ERG: variants seen among roughly 807,000 people sequenced by gnomAD.
ERG encodes ETS transcription factor ERG.
In ERG, 9 loss-of-function variants were observed where a neutral mutation model predicts 55.3. That is an observed-to-expected ratio of 0.16 (90% CI 0.10 to 0.28). ERG has a LOEUF of 0.28. Among genes scored for constraint, ERG ranks in the 10% least tolerant of loss-of-function variants. ERG has a pLI of 1.00. For missense variants in ERG, 434 were observed against 631.6 expected, an observed-to-expected ratio of 0.69 and a Z score of 3.35; for synonymous variants, 223 against 237.3, an observed-to-expected ratio of 0.94 and a Z score of 0.55.
intron 2 of ERG, among the ~76,000 whole-genome samples, chr21:38,553,961 A>T (rs562879878): frequency 7.5e-6 from 1 of 132,780 alleles, no homozygotes; most frequent in East Asian, 2.6e-4. Context: ...CAGAATCTAT[A>T]AAAAAAAACT....
chr21:38,564,059 C>T lies in ERG; in HGVS notation c.-41+11603G>A, dbSNP rs552821628. Reference sequence around the variant, plus strand: ...GCTAATTATCAACTATTTTTATTATCAACCCTGCAGAGGGGACTAAGAGAA... The same window carrying T: ...GCTAATTATCAACTATTTTTATTATTAACCCTGCAGAGGGGACTAAGAGAA... On this transcript the variant is annotated intron_variant, in intron 2 of 8. Coordinates refer to the ERG transcript ENST00000398897. 2.0e-5 allele frequency among the ~76,000 whole-genome samples: 3 copies of T among 151,690 alleles called. No individual in the cohort carries two copies. The South Asian group carries it at 6.3e-4, about 32-fold the overall frequency.
At chr21:38,432,269 T>A (rs1231271006) in intron 2 of ERG, among the ~76,000 whole-genome samples, 1 of 152,008 alleles carries the variant, frequency 6.6e-6, no homozygotes, top group Admixed American at 6.6e-5. Context: ...TGTTTTTTAA[T>A]TATTTGTATA....
intron 1 of ERG, among the ~76,000 whole-genome samples, chr21:38,649,323 G>A (rs2060475111): frequency 1.3e-5 from 2 of 152,122 alleles, no homozygotes; most frequent in African/African-American, 4.8e-5. Context: ...TCTCTCAAAG[G>A]TCTCCCTTGA....
At chr21:38,509,722 T>C (rs913528869) in intron 2 of ERG, among the ~76,000 whole-genome samples, 1 of 152,182 alleles carries the variant, frequency 6.6e-6, no homozygotes, top group Admixed American at 6.5e-5. Flanking sequence ...CAAGGAGATG[T>C]GAGAAAACTT....
Position 38,380,275 on chromosome 21 carries a change from C to G in ERG, c.*3128G>C, listed in dbSNP as rs369834291. On this transcript the variant is annotated 3_prime_UTR_variant, in exon 10 of 10. Coordinates refer to ENST00000288319, the MANE Select transcript of ERG (RefSeq NM_182918.4). Reference sequence around the variant, plus strand: ...ACCTGCTGTCAGAGGGCAGCTCCTCCGGCTCCTGCTCCTGGGTTGCAGGTG... The same window carrying G: ...ACCTGCTGTCAGAGGGCAGCTCCTCGGGCTCCTGCTCCTGGGTTGCAGGTG... The G allele has an allele frequency of 2.4e-5, 25 of 1,056,562 alleles. No individual in the cohort carries two copies. Among genetic ancestry groups the G allele is most frequent in the African/African-American group, 2.1e-4 (13 of 60,644 alleles). 65.4% of individuals were successfully genotyped at this position (1,056,562 alleles called of 1,614,324 possible).
At chr21:38,400,529 T>C (rs780534062) in intron 6 of ERG, 45 bp downstream of exon 6, 2 of 1,455,356 alleles carry the variant, frequency 1.4e-6, no homozygotes, top group Non-Finnish European at 1.9e-6. Context: ...GCAGGACATC[T>C]GGGATGTCTC....
At chr21:38,483,137 G>C (rs1473519877) in intron 1 of ERG, among the ~76,000 whole-genome samples, 1 of 152,178 alleles carries the variant, frequency 6.6e-6, no homozygotes, top group East Asian at 1.9e-4. Flanking sequence ...ACTCAATGGG[G>C]AAATGGGGAG....
intron 2 of ERG, among the ~76,000 whole-genome samples, chr21:38,563,730 C>A (rs966101304): frequency 2.6e-5 from 4 of 152,142 alleles, no homozygotes; most frequent in African/African-American, 9.7e-5. Context: ...ATGCAGGATG[C>A]AAAAATGATT....
At chr21:38,445,996 G>T (rs1018568827) in intron 1 of ERG, among the ~76,000 whole-genome samples, 2 of 151,684 alleles carry the variant, frequency 1.3e-5, no homozygotes, top group African/African-American at 4.8e-5. Flanking sequence ...GTACAGAGCG[G>T]TCATGAGGAT....
intron 1 of ERG, among the ~76,000 whole-genome samples, chr21:38,583,127 G>A (rs2060040115): frequency 6.6e-6 from 1 of 152,184 alleles, no homozygotes; most frequent in Non-Finnish European, 1.5e-5. Context: ...GAAAGCATTG[G>A]TCGCTGGGTG....
At chr21:38,454,104 C>T (rs570907099) in intron 1 of ERG, among the ~76,000 whole-genome samples, 1 of 152,166 alleles carries the variant, frequency 6.6e-6, no homozygotes, top group African/African-American at 2.4e-5. Flanking sequence ...TTTCTCTAAT[C>T]ACTGTTATAC....
the ERG span, among the ~76,000 whole-genome samples, chr21:38,370,790 T>A: frequency 6.6e-6 from 1 of 152,072 alleles, no homozygotes; most frequent in Non-Finnish European, 1.5e-5. Context: ...TTTTGAGCCA[T>A]CCATACTGTT....
At chr21:38,490,331 T>C (rs2059324745) in intron 1 of ERG, among the ~76,000 whole-genome samples, 1 of 152,218 alleles carries the variant, frequency 6.6e-6, no homozygotes, top group Non-Finnish European at 1.5e-5. Flanking sequence ...TTGGCTTGAA[T>C]GAATAGTAAA....
At chr21:38,433,437 G>A (rs1389682269) in intron 2 of ERG, among the ~76,000 whole-genome samples, 4 of 152,290 alleles carry the variant, frequency 2.6e-5, no homozygotes, top group Non-Finnish European at 2.9e-5. Context: ...AAAAAAAAGC[G>A]GGGTTGGTGG....
intron 2 of ERG, among the ~76,000 whole-genome samples, chr21:38,520,654 G>A (rs528267375): frequency 2.6e-5 from 4 of 152,128 alleles, no homozygotes; most frequent in East Asian, 1.9e-4. Context: ...AGACGCTACC[G>A]CATCATTCTA....
intron 1 of ERG, among the ~76,000 whole-genome samples, chr21:38,493,063 A>G (rs1041467462): frequency 2.0e-5 from 3 of 152,200 alleles, no homozygotes; most frequent in Admixed American, 1.3e-4. Flanking sequence ...TCCAGAGAAT[A>G]ATCTGGTAAT....
At chr21:38,589,876 T>A (rs999400927), upstream of ERG, among the ~76,000 whole-genome samples, 4 of 152,196 alleles carry the variant, frequency 2.6e-5, no homozygotes, top group African/African-American at 9.6e-5. Context: ...ATTGGGGTCA[T>A]TTTTGTTGTT....
At chr21:38,481,223 A>G (rs1410656552) in intron 1 of ERG, among the ~76,000 whole-genome samples, 1 of 152,258 alleles carries the variant, frequency 6.6e-6, no homozygotes, top group African/African-American at 2.4e-5. Flanking sequence ...GAGAGGAACC[A>G]AGTCAGATTT....
chr21:38,594,717 T>C (rs1035714003), intron 1 of ERG, among the ~76,000 whole-genome samples: 1 of 152,112 alleles, frequency 6.6e-6, no homozygotes, highest in African/African-American at 2.4e-5. Flanking sequence ...GAAGAACTTA[T>C]ATGGACGTCA....
Sources: allele counts gnomAD v4.1 joint callset (sites outside exome capture counted in the v4.1 genomes callset), GRCh38; gene constraint gnomAD v4.1.1; transcripts MANE v1.5; gene names NCBI Gene and HGNC (gene_info 2026-07-23, HGNC 2026-07-21).